The following PRKG1 variants were observed in gnomAD, a reference collection of about 807,000 sequenced individuals.
PRKG1 encodes the protein cGMP-dependent protein kinase 1.
A neutral mutation model predicts 88.1 loss-of-function variants in PRKG1; 35 were observed. The ratio of observed to expected loss-of-function variants is 0.40; its 90% CI spans 0.30 to 0.53. PRKG1 has a LOEUF of 0.53. Ranked by LOEUF, PRKG1 falls within the 20% of genes least tolerant of loss-of-function variation. The pLI, the probability that PRKG1 is intolerant of heterozygous loss-of-function variation, is 0.59. For missense variants in PRKG1, 540 were observed against 839.8 expected (o/e 0.64, Z 4.41); for synonymous variants, 303 against 292.5 (o/e 1.04, Z -0.37).
chr10:51,544,325 G>T (rs954297702), intron 3 of PRKG1, among the ~76,000 whole-genome samples: 1 of 151,782 alleles, frequency 6.6e-6, no homozygotes, highest in South Asian at 2.1e-4. Flanking sequence ...CTGTCCTTGC[G>T]ATAGTTTGCT....
chr10:51,517,101 G>A (rs370683942), intron 3 of PRKG1, among the ~76,000 whole-genome samples: 192 of 152,258 alleles, frequency 1.3e-3, no homozygotes, highest in Admixed American at 4.6e-3. Context: ...GACAAATTAA[G>A]AAGAGAAAAG....
intron 5 of PRKG1, among the ~76,000 whole-genome samples, chr10:52,005,886 G>C (rs747444623): frequency 5.7e-4 from 87 of 151,852 alleles, no homozygotes; most frequent in African/African-American, 2.0e-3. Flanking sequence ...GCAGATCAGG[G>C]CCAACCTGGC....
intron 3 of PRKG1, among the ~76,000 whole-genome samples, chr10:51,536,513 T>G (rs914821726): frequency 6.6e-6 from 1 of 152,206 alleles, no homozygotes; most frequent in African/African-American, 2.4e-5. Flanking sequence ...TAGTTTCTTT[T>G]GCTGTGCAGA....
chr10:51,765,815 A>ATTTTTTTTTTT (rs398046339), intron 3 of PRKG1, among the ~76,000 whole-genome samples: 7 of 134,608 alleles, frequency 5.2e-5, no homozygotes, highest in Non-Finnish European at 6.3e-5. Context: ...GCCTTACATG[A>ATTTTTTTTTTT]TTTTTTTTTT....
intron 3 of PRKG1, among the ~76,000 whole-genome samples, chr10:51,595,486 T>C (rs1350998085): frequency 6.6e-6 from 1 of 151,950 alleles, no homozygotes; most frequent in Non-Finnish European, 1.5e-5. Flanking sequence ...AAAAATTAGT[T>C]GAACATGTTG....
chr10:51,216,665 G>T (rs1206068688), intron 2 of PRKG1, among the ~76,000 whole-genome samples: 1 of 152,178 alleles, frequency 6.6e-6, no homozygotes, highest in Non-Finnish European at 1.5e-5. Context: ...GGAAAATAGG[G>T]ATGCTAACTG....
At chr10:52,207,681 C>T (rs1839857083) in intron 9 of PRKG1, among the ~76,000 whole-genome samples, 1 of 152,156 alleles carries the variant, frequency 6.6e-6, no homozygotes, top group Non-Finnish European at 1.5e-5. Flanking sequence ...GTTGTGGGAT[C>T]TCCTGCAGCT....
At chr10:52,074,001 C>T (rs1385904409) in intron 7 of PRKG1, among the ~76,000 whole-genome samples, 1 of 151,744 alleles carries the variant, frequency 6.6e-6, no homozygotes, top group Non-Finnish European at 1.5e-5. Context: ...ACACCTTCAC[C>T]TGAAACATAC....
rs1842327431 is a variant in PRKG1 at position 52,293,891 on chromosome 10, A to AGACTTCTAAT, written c.2054_*2dup. On this transcript the variant is annotated stop_gained and frameshift_variant, in exon 18 of 18. Transcript: ENST00000373980. LOFTEE classifies it high-confidence loss of function. ...CTGATGACAACTCAGGATGGGATAT[A>AGACTTCTAAT]GACTTCTAATGTATTTCTCTTACCT... The AGACTTCTAAT allele has an allele frequency of 1.9e-6, 3 of 1,609,520 alleles. No individual in the cohort carries two copies. Among genetic ancestry groups the AGACTTCTAAT allele is most frequent in the Non-Finnish European group, 2.6e-6 (3 of 1,176,122 alleles).
chr10:51,690,290 G>A (rs9988750), intron 3 of PRKG1, among the ~76,000 whole-genome samples: 99 of 152,210 alleles, frequency 6.5e-4, no homozygotes, highest in African/African-American at 2.0e-3. Flanking sequence ...CTCCAACACC[G>A]GGGATTATAT....
At chr10:52,185,275 C>T (rs901143441) in intron 9 of PRKG1, among the ~76,000 whole-genome samples, 6 of 152,156 alleles carry the variant, frequency 3.9e-5, no homozygotes, top group Non-Finnish European at 7.3e-5. Flanking sequence ...AGCTACAGGC[C>T]CCACATCAGT....
At chr10:51,583,138 A>G (rs1838085894) in intron 3 of PRKG1, among the ~76,000 whole-genome samples, 1 of 152,164 alleles carries the variant, frequency 6.6e-6, no homozygotes, top group South Asian at 2.1e-4. Context: ...ATAGCACAGT[A>G]GTAAGCTATT....
intron 2 of PRKG1, among the ~76,000 whole-genome samples, chr10:51,389,574 C>T (rs1439892245): frequency 6.6e-6 from 1 of 152,138 alleles, no homozygotes; most frequent in Non-Finnish European, 1.5e-5. Flanking sequence ...CACTTTCACC[C>T]TTCTACTTGG....
At chr10:51,307,378 T>A (rs962110268) in intron 2 of PRKG1, among the ~76,000 whole-genome samples, 4 of 152,136 alleles carry the variant, frequency 2.6e-5, no homozygotes, top group African/African-American at 9.7e-5. Flanking sequence ...CCCAAGGTAA[T>A]GCAATCAGTG....
chr10:51,580,297 A>G (rs1837997715), intron 3 of PRKG1, among the ~76,000 whole-genome samples: 1 of 152,140 alleles, frequency 6.6e-6, no homozygotes, highest in Non-Finnish European at 1.5e-5. Context: ...ACTTATTGTT[A>G]AAACTTTGAG....
chr10:52,231,918 T>C (rs1840532760), intron 9 of PRKG1, among the ~76,000 whole-genome samples: 1 of 152,212 alleles, frequency 6.6e-6, no homozygotes, highest in East Asian at 1.9e-4. Context: ...ATGCATAGGA[T>C]GGAACAAAAT....
rs117406470 is a variant in PRKG1 at position 51,822,598 on chromosome 10, A to G, written c.698+17908A>G. Among the ~76,000 whole-genome samples the G allele has an allele frequency of 1.4e-3, 213 of 152,284 alleles. 1 individual carries two copies. Among genetic ancestry groups the G allele is most frequent in the Non-Finnish European group, 2.3e-3 (158 of 68,020 alleles). On this transcript the variant is annotated intron_variant, in intron 4 of 17. Coordinates refer to ENST00000373980, the MANE Select transcript of PRKG1 (RefSeq NM_006258.4). ...ACGTACCATGGGTCATAATGAAATC[A>G]GTGATTACCACATGGATTGATAATG...
chr10:51,543,148 C>G (rs1243890208), intron 3 of PRKG1, among the ~76,000 whole-genome samples: 1 of 152,164 alleles, frequency 6.6e-6, no homozygotes, highest in African/African-American at 2.4e-5. Context: ...GAACTTGGCC[C>G]TGTCCCATCT....
chr10:51,869,848 G>A (rs1243944567), intron 4 of PRKG1, among the ~76,000 whole-genome samples: 1 of 152,092 alleles, frequency 6.6e-6, no homozygotes, highest in Non-Finnish European at 1.5e-5. Context: ...GGTAGAGAAT[G>A]AAAATATGTT....
Sources: allele counts gnomAD v4.1 joint callset (sites outside exome capture counted in the v4.1 genomes callset), GRCh38; gene constraint gnomAD v4.1.1; transcripts MANE v1.5; gene names NCBI Gene and HGNC (gene_info 2026-07-23, HGNC 2026-07-21).